SS18L2: variants seen among roughly 807,000 people sequenced by gnomAD.
SS18L2 encodes SS18 like 2.
SS18L2 carries 8 observed loss-of-function variants against 10.3 expected under a neutral mutation model. The observed-to-expected ratio is 0.78, with a 90% confidence interval of 0.46 to 1.41. The LOEUF is 1.41. SS18L2 is among the 40% of genes most tolerant of loss of function. The pLI is 0.00. For synonymous variants in SS18L2, 41 were observed against 34.6 expected, an observed-to-expected ratio of 1.19 and a Z score of -0.65; for missense variants, 100 against 96.2, an observed-to-expected ratio of 1.04 and a Z score of -0.17.
At chr3:42,586,205 C>T (rs1299201237), upstream of SS18L2, among the ~76,000 whole-genome samples, 1 of 152,058 alleles carries the variant, frequency 6.6e-6, no homozygotes, top group African/African-American at 2.4e-5. Context: ...CCTCAAAGAC[C>T]TAGTCTTTAT....
rs190597117 is a variant in SS18L2, at chr3:42,584,898, G to A, written c.-90+2940G>A. Among the ~76,000 whole-genome samples the A allele has an allele frequency of 5.3e-3, 800 of 152,244 alleles. 11 individuals carry two copies. Among genetic ancestry groups the A allele is most frequent in the African/African-American group, 0.018 (765 of 41,532 alleles). On this transcript the variant is annotated intron_variant, in intron 1 of 3. Coordinates refer to the SS18L2 transcript ENST00000447630. ...CACCTATAATCCCAGCACTTTGGGA[G>A]GCCAAGGTGGGTGGATCACGAGGTC...
At chr3:42,592,451 C>T (rs1350866301) in intron 2 of SS18L2, among the ~76,000 whole-genome samples, 5 of 152,160 alleles carry the variant, frequency 3.3e-5, no homozygotes, top group Admixed American at 6.5e-5. Flanking sequence ...CCACCCACCT[C>T]GACCTCCCAA....
At chr3:42,591,150 G>T in intron 1 of SS18L2, 184 bp downstream of exon 1, 2 of 664,596 alleles carry the variant, frequency 3.0e-6, no homozygotes, top group Non-Finnish European at 5.3e-6. Flanking sequence ...CCCCGGCATG[G>T]GGTTCGGTCC....
upstream of SS18L2, chr3:42,587,412 T>G (rs976355091): frequency 6.6e-6 from 1 of 152,256 alleles, no homozygotes; most frequent in African/African-American, 2.4e-5. Flanking sequence ...TTTTTTTACC[T>G]GATAGAAACT....
At chr3:42,586,221 C>T (rs976670777), upstream of SS18L2, among the ~76,000 whole-genome samples, 3 of 152,126 alleles carry the variant, frequency 2.0e-5, no homozygotes, top group South Asian at 6.2e-4. Context: ...TTTATTCTTC[C>T]TTGTTCTTTT....
At chr3:42,581,953 G>A (rs1170029011) in exon 1 of SS18L2, 3 of 152,396 alleles carry the variant, frequency 2.0e-5, no homozygotes, top group South Asian at 2.1e-4. Flanking sequence ...GGCAGCCCAG[G>A]CGCAGGTAGG....
chr3:42,595,267 CT>C lies in SS18L2; in HGVS notation c.*760del, dbSNP rs1704995349. Among the ~76,000 whole-genome samples, 1 of 152,158 alleles carries C rather than the reference CT, an allele frequency of 6.6e-6. No individual in the cohort carries two copies. Among genetic ancestry groups the C allele is most frequent in the Non-Finnish European group, 1.5e-5 (1 of 68,026 alleles). On this transcript the variant is annotated 3_prime_UTR_variant, in exon 3 of 3. Transcript: ENST00000011691. The stretch of plus-strand genomic sequence containing the variant: ...ATTTTGTTGATGTTCCTTTAAGTCA[CT>C]TAAAGAATACTTAATAGTTCCTTTT...
At chr3:42,583,995 G>A (rs797014367) in intron 1 of SS18L2, among the ~76,000 whole-genome samples, 9 of 152,322 alleles carry the variant, frequency 5.9e-5, no homozygotes, top group African/African-American at 2.2e-4. Flanking sequence ...GTCTAAGACA[G>A]GGTAGTCTTG....
intron 1 of SS18L2, chr3:42,591,197 T>G: frequency 1.8e-6 from 1 of 560,966 alleles, no homozygotes; most frequent in Non-Finnish European, 3.1e-6. Flanking sequence ...TAACCCTTTC[T>G]CTCCTTTTTT....
At chr3:42,582,343 G>GT (rs1170048361) in intron 1 of SS18L2, 1 of 152,348 alleles carries the variant, frequency 6.6e-6, no homozygotes, top group Non-Finnish European at 1.5e-5. Flanking sequence ...CGCCCGGGGC[G>GT]TATGTTCTGC....
chr3:42,588,509 T>C (rs1304672615), upstream of SS18L2, among the ~76,000 whole-genome samples: 2 of 152,234 alleles, frequency 1.3e-5, no homozygotes, highest in Non-Finnish European at 2.9e-5. Flanking sequence ...ACAGGTAAGA[T>C]ACTTAATACC....
Position 42,594,461 on chromosome 3 carries a change from T to C in SS18L2, c.186T>C (p.Ala62=). ...TACATAGAAATCTCATTTATTTGGC[T>C]ACCATTGCAGATGCCAGTCCAACCA... The part of the protein sequence containing the change: ...HVLHRNLIYL[A]TIADASPTST... The change falls in exon 3 of 3, where the codon GCT becomes GCC. Residue 62 remains alanine, a synonymous_variant. Coordinates refer to ENST00000011691, the MANE Select transcript of SS18L2 (RefSeq NM_001370300.1). The C allele has an allele frequency of 1.2e-6, 2 of 1,614,054 alleles. No individual in the cohort carries two copies. Among genetic ancestry groups the C allele is most frequent in the Non-Finnish European group, 1.7e-6 (2 of 1,179,918 alleles).
intron 1 of SS18L2, among the ~76,000 whole-genome samples, chr3:42,584,536 G>A (rs572768786): frequency 6.6e-6 from 1 of 152,220 alleles, no homozygotes; most frequent in Non-Finnish European, 1.5e-5. Context: ...GATTACAGGC[G>A]TGAGCCACCA....
chr3:42,592,878 C>T (rs1301506528), intron 2 of SS18L2, among the ~76,000 whole-genome samples: 3 of 152,198 alleles, frequency 2.0e-5, no homozygotes, highest in Admixed American at 6.5e-5. Flanking sequence ...CCCCCCCCAC[C>T]GTAAACTTAT....
At chr3:42,587,639 GGC>G (rs1704661699), upstream of SS18L2, 1 of 152,178 alleles carries the variant, frequency 6.6e-6, no homozygotes, top group African/African-American at 2.4e-5. Flanking sequence ...GGGAAGCTGA[GGC>G]AGGAGAATGG....
Position 42,591,609 on chromosome 3 carries a change from C to T in SS18L2, c.146+8C>T. On this transcript the variant is annotated splice_region_variant and intron_variant, in intron 2 of 2. Transcript: ENST00000011691. Reference sequence around the variant, plus strand: ...CGGGAACGAGTGCGTGCAGTAAGTACCCCCACCCCCGCGCCCCTGACCTGT... The same window carrying T: ...CGGGAACGAGTGCGTGCAGTAAGTATCCCCACCCCCGCGCCCCTGACCTGT... 6.2e-7 allele frequency: 1 copy of T among 1,604,272 alleles called. No individual in the cohort carries two copies. Among genetic ancestry groups the T allele is most frequent in the Non-Finnish European group, 8.5e-7 (1 of 1,171,036 alleles).
chr3:42,593,147 A>G (rs573069377), intron 2 of SS18L2, among the ~76,000 whole-genome samples: 1 of 152,238 alleles, frequency 6.6e-6, no homozygotes, highest in Admixed American at 6.5e-5. Flanking sequence ...CATCCCTGTA[A>G]TCCCAGTACT....
intron 2 of SS18L2, among the ~76,000 whole-genome samples, chr3:42,593,251 A>G (rs575544929): frequency 6.6e-6 from 1 of 152,118 alleles, no homozygotes; most frequent in East Asian, 1.9e-4. Context: ...CATCTCTACT[A>G]AAAACTAAAA....
chr3:42,582,443 A>AG (rs1374394158), intron 1 of SS18L2: 2 of 152,502 alleles, frequency 1.3e-5, no homozygotes, highest in African/African-American at 4.8e-5. Context: ...AGTCCGACCC[A>AG]GGGGGACACA....
Sources: allele counts gnomAD v4.1 joint callset (sites outside exome capture counted in the v4.1 genomes callset), GRCh38; gene constraint gnomAD v4.1.1; transcripts MANE v1.5; gene names NCBI Gene and HGNC (gene_info 2026-07-23, HGNC 2026-07-21).